The following HNF1B variants were observed in gnomAD, a reference collection of about 807,000 sequenced individuals.
HNF1B encodes hepatocyte nuclear factor 1-beta.
In HNF1B, 8 loss-of-function variants were observed where a neutral mutation model predicts 61.7. The observed-to-expected ratio is 0.13, with a 90% CI of 0.08 to 0.23. The LOEUF (loss-of-function observed/expected upper bound fraction) is 0.23, where lower values mean the gene tolerates loss of function less well. HNF1B is among the 10% of genes least tolerant of loss of function. HNF1B has a pLI of 1.00. For missense variants in HNF1B, 562 were observed against 714.5 expected (o/e 0.79, Z 2.43); for synonymous variants, 314 against 287.7 (o/e 1.09, Z -0.93).
intron 6 of HNF1B, among the ~76,000 whole-genome samples, chr17:37,704,245 A>G (rs2032666208): frequency 6.6e-6 from 1 of 152,248 alleles, no homozygotes; most frequent in Non-Finnish European, 1.5e-5. Flanking sequence ...TTGCTGTTGA[A>G]TATGAGCCTC....
chr17:37,705,694 T>G (rs2032723176), intron 5 of HNF1B, among the ~76,000 whole-genome samples: 1 of 152,194 alleles, frequency 6.6e-6, no homozygotes, highest in South Asian at 2.1e-4. Flanking sequence ...TTTCCAAGTA[T>G]GTAATTGTAA....
intron 8 of HNF1B, among the ~76,000 whole-genome samples, chr17:37,694,866 AG>A (rs1332318047): frequency 2.0e-5 from 3 of 152,172 alleles, no homozygotes; most frequent in Non-Finnish European, 2.9e-5. Context: ...ACGGAAGCAA[AG>A]GAATGACTTA....
chr17:37,731,907 T>C (rs2033700245), intron 3 of HNF1B, 77 bp from the exon 4 acceptor site: 1 of 943,690 alleles, frequency 1.1e-6, no homozygotes, highest in Admixed American at 1.8e-5. Flanking sequence ...AAACACACAA[T>C]CACAGCAGTC....
At chr17:37,727,448 T>C (rs985568648) in intron 4 of HNF1B, among the ~76,000 whole-genome samples, 1 of 152,066 alleles carries the variant, frequency 6.6e-6, no homozygotes, top group African/African-American at 2.4e-5. Flanking sequence ...CCTGGAAAGA[T>C]GAAGGCCCAG....
chr17:37,688,643 G>T (rs2032074052), intron 8 of HNF1B, among the ~76,000 whole-genome samples: 1 of 152,184 alleles, frequency 6.6e-6, no homozygotes, highest in South Asian at 2.1e-4. Flanking sequence ...TTTCAATCAT[G>T]CTTGGAGGTG....
chr17:37,715,436 A>C (rs1376428881), intron 4 of HNF1B, among the ~76,000 whole-genome samples: 1 of 152,208 alleles, frequency 6.6e-6, no homozygotes, highest in African/African-American at 2.4e-5. Flanking sequence ...ATCTGTTCCA[A>C]TTATATAGAC....
chr17:37,719,894 C>CA (rs1414894939), intron 4 of HNF1B, among the ~76,000 whole-genome samples: 55 of 152,292 alleles, frequency 3.6e-4, no homozygotes, highest in African/African-American at 1.3e-3. Context: ...TGGCAAGTGT[C>CA]AGAGCTGCCT....
At chr17:37,734,376 A>G (rs1020214700) in intron 2 of HNF1B, among the ~76,000 whole-genome samples, 8 of 152,248 alleles carry the variant, frequency 5.3e-5, no homozygotes, top group South Asian at 4.1e-4. Context: ...GGAGCTTTGT[A>G]TTGGAAAAAG....
chr17:37,733,514 G>A (rs775086038), intron 3 of HNF1B, 43 bp downstream of exon 3: 4 of 1,613,026 alleles, frequency 2.5e-6, no homozygotes, highest in Non-Finnish European at 2.5e-6. Context: ...TCCTGGGTCT[G>A]TGTACTTGCC....
intron 1 of HNF1B, among the ~76,000 whole-genome samples, chr17:37,743,491 G>C (rs558952070): frequency 3.9e-5 from 6 of 152,206 alleles, no homozygotes; most frequent in Non-Finnish European, 8.8e-5. Flanking sequence ...CCAGGCCCTC[G>C]GAGCACAAAT....
chr17:37,726,476 G>A lies in HNF1B; in HGVS notation c.1045+5119C>T, dbSNP rs557500126. Among the ~76,000 whole-genome samples the A allele has an allele frequency of 2.4e-4, 37 of 152,338 alleles. No homozygotes were observed. In the South Asian group the frequency reaches 6.4e-3, roughly 26 times the overall value. ...ACTGGCCATTAGAATTCCTCTCGTT[G>A]AGTCACTACCTTGCCACTGGACACT... On this transcript the variant is annotated intron_variant, in intron 4 of 8. Coordinates refer to ENST00000617811, the MANE Select transcript of HNF1B (RefSeq NM_000458.4).
At chr17:37,690,694 G>GT (rs1471109937) in intron 8 of HNF1B, among the ~76,000 whole-genome samples, 1 of 152,230 alleles carries the variant, frequency 6.6e-6, no homozygotes, top group African/African-American at 2.4e-5. Flanking sequence ...ACTGGTACCA[G>GT]TTTTGGAAAT....
chr17:37,738,015 T>C (rs989899009), intron 2 of HNF1B, among the ~76,000 whole-genome samples: 1 of 152,176 alleles, frequency 6.6e-6, no homozygotes, highest in Non-Finnish European at 1.5e-5. Flanking sequence ...CTGAAGAAAT[T>C]CTCATTGAAT....
intron 3 of HNF1B, among the ~76,000 whole-genome samples, chr17:37,732,726 T>A (rs1455855621): frequency 1.3e-5 from 2 of 152,180 alleles, no homozygotes; most frequent in Non-Finnish European, 2.9e-5. Context: ...TAATCCCAGC[T>A]ATTTAGGAGG....
At chr17:37,699,566 C>T (rs536149129) in intron 7 of HNF1B, among the ~76,000 whole-genome samples, 4 of 152,304 alleles carry the variant, frequency 2.6e-5, no homozygotes, top group East Asian at 1.9e-4. Flanking sequence ...TCTTCATGGG[C>T]GGCCAGGCCT....
chr17:37,736,379 C>A (rs1214625138), intron 2 of HNF1B, among the ~76,000 whole-genome samples: 1 of 152,164 alleles, frequency 6.6e-6, no homozygotes, highest in Non-Finnish European at 1.5e-5. Context: ...GTGCCAAATC[C>A]TCTAAATATA....
At chr17:37,737,609 G>A (rs973617981) in intron 2 of HNF1B, among the ~76,000 whole-genome samples, 12 of 151,748 alleles carry the variant, frequency 7.9e-5, no homozygotes, top group East Asian at 1.9e-4. Flanking sequence ...GGCGGATCAC[G>A]AGGTCAGGAG....
intron 8 of HNF1B, among the ~76,000 whole-genome samples, chr17:37,694,202 T>C (rs2032298242): frequency 6.6e-6 from 1 of 151,992 alleles, no homozygotes; most frequent in South Asian, 2.1e-4. Flanking sequence ...CTGAGGCAGG[T>C]GGATCACCTG....
intron 8 of HNF1B, among the ~76,000 whole-genome samples, chr17:37,693,146 C>T (rs574073494): frequency 7.9e-5 from 11 of 138,946 alleles, no homozygotes; most frequent in African/African-American, 3.0e-4. Flanking sequence ...GCTGAGACCA[C>T]ACCATTGCAC....
Sources: gnomAD v4.1 joint callset for allele counts (sites outside exome capture counted in the v4.1 genomes callset) on GRCh38, gnomAD v4.1.1 for gene constraint, MANE v1.5 for transcripts, NCBI Gene and HGNC (gene_info 2026-07-23, HGNC 2026-07-21) for gene names.